The following LPXN variants were observed in gnomAD, a reference collection of about 807,000 sequenced individuals.
LPXN encodes leupaxin.
Under a neutral mutation model 45.6 loss-of-function variants are expected in LPXN, and 28 were observed. The ratio of observed to expected loss-of-function variants is 0.61; its 90% CI spans 0.45 to 0.84. The LOEUF is 0.84. LPXN is among the 40% of genes least tolerant of loss of function. The pLI, the probability that LPXN is intolerant of heterozygous loss-of-function variation, is 0.00. For missense variants in LPXN, 459 were observed against 475.0 expected, an observed-to-expected ratio of 0.97 and a Z score of 0.31; for synonymous variants, 166 against 169.9, an observed-to-expected ratio of 0.98 and a Z score of 0.18.
chr11:58,540,082 G>T (rs900978087), intron 7 of LPXN, among the ~76,000 whole-genome samples: 2 of 152,070 alleles, frequency 1.3e-5, no homozygotes, highest in East Asian at 3.9e-4. Flanking sequence ...TTGTCATCCA[G>T]ACCCCCGAAA....
chr11:58,563,095 T>C (rs1019536116), intron 3 of LPXN, among the ~76,000 whole-genome samples: 3 of 152,240 alleles, frequency 2.0e-5, no homozygotes, highest in African/African-American at 7.2e-5. Context: ...GTTTTCATGT[T>C]ATATGTTCAT....
intron 7 of LPXN, among the ~76,000 whole-genome samples, chr11:58,539,788 T>G (rs992786932): frequency 6.6e-6 from 1 of 152,174 alleles, no homozygotes; most frequent in African/African-American, 2.4e-5. Flanking sequence ...CTTTCCTGTA[T>G]GAGATATATT....
chr11:58,574,420 A>G (rs868010047), intron 1 of LPXN, among the ~76,000 whole-genome samples: 18 of 152,356 alleles, frequency 1.2e-4, no homozygotes, highest in Admixed American at 3.3e-4. Context: ...CTGAAAAAGA[A>G]GTGGATAACA....
intron 2 of LPXN, among the ~76,000 whole-genome samples, chr11:58,568,166 G>A (rs939298361): frequency 6.6e-6 from 1 of 152,190 alleles, no homozygotes; most frequent in Non-Finnish European, 1.5e-5. Context: ...ATCAGAAGAG[G>A]TACTTGTGCT....
At chr11:58,565,321 C>T (rs1391004802) in intron 2 of LPXN, among the ~76,000 whole-genome samples, 2 of 151,886 alleles carry the variant, frequency 1.3e-5, no homozygotes, top group Non-Finnish European at 2.9e-5. Context: ...ATCACGAGGT[C>T]AGGAGATCGA....
chr11:58,529,129 A>T (rs2120168428), intron 7 of LPXN, among the ~76,000 whole-genome samples: 1 of 152,340 alleles, frequency 6.6e-6, no homozygotes, highest in East Asian at 1.9e-4. Flanking sequence ...GTCATAAATA[A>T]AGCCCAAATT....
Position 58,528,115 on chromosome 11 carries a change from G to C in LPXN, c.819C>G (p.Cys273Trp). The change falls in exon 8 of 9, where the codon TGC (cysteine) becomes TGG (tryptophan). Residue 273 changes from cysteine to tryptophan, a missense_variant. By Grantham distance (215) the Cys-to-Trp change is radical. Coordinates refer to ENST00000395074, the MANE Select transcript of LPXN (RefSeq NM_004811.3). ...GGTAGTTTTCCAACACTGGGCGATTGCAGCCACCACACTTGGGTGAGAACA... is the reference window on the plus strand; with the variant it reads ...GGTAGTTTTCCAACACTGGGCGATTCCAGCCACCACACTTGGGTGAGAACA... ...LAMFSPKCGG[C>W]NRPVLENYLS... 7 of 1,614,194 alleles carry C rather than the reference G, an allele frequency of 4.3e-6. No individual in the cohort carries two copies. Among genetic ancestry groups the C allele is most frequent in the Non-Finnish European group, 5.9e-6 (7 of 1,180,014 alleles).
At chr11:58,527,853 A>G in intron 8 of LPXN, 130 bp from the exon 9 acceptor site, 1 of 1,129,230 alleles carries the variant, frequency 8.9e-7, no homozygotes, top group South Asian at 1.6e-5. Context: ...CAGGTTCTTG[A>G]CAAATGGAGA....
At chr11:58,548,652 C>T (rs1853946051) in intron 7 of LPXN, among the ~76,000 whole-genome samples, 1 of 152,148 alleles carries the variant, frequency 6.6e-6, no homozygotes, top group Non-Finnish European at 1.5e-5. Context: ...ACTACTATAC[C>T]TCCATGTGCT....
intron 7 of LPXN, among the ~76,000 whole-genome samples, chr11:58,528,725 A>G (rs1853302097): frequency 6.6e-6 from 1 of 152,244 alleles, no homozygotes; most frequent in African/African-American, 2.4e-5. Context: ...GAAGAAAAAA[A>G]GCATCTGATA....
chr11:58,527,400 C>T lies in LPXN; in HGVS notation c.*54G>A, dbSNP rs1410098321. On this transcript the variant is annotated 3_prime_UTR_variant, in exon 9 of 9. Transcript: ENST00000395074. Reference sequence around the variant, plus strand: ...AACAGAAAATTTACCCTTTCCTCTCCTCTCTTGGTTTAAATTTTATAAGGA... The same window carrying T: ...AACAGAAAATTTACCCTTTCCTCTCTTCTCTTGGTTTAAATTTTATAAGGA... 4.4e-6 allele frequency: 7 copies of T among 1,585,818 alleles called. No homozygotes were observed. The East Asian group carries it at 1.6e-4, about 36-fold the overall frequency.
At chr11:58,541,417 C>T (rs1270788382) in intron 7 of LPXN, among the ~76,000 whole-genome samples, 2 of 152,166 alleles carry the variant, frequency 1.3e-5, no homozygotes, top group African/African-American at 4.8e-5. Context: ...GACATTTATG[C>T]AGGCAAAAGA....
Position 58,566,425 on chromosome 11 carries a change from T to TA in LPXN, c.172-2225_172-2224insT, listed in dbSNP as rs566701840. Among the ~76,000 whole-genome samples, 1,509 of 152,302 alleles carry TA rather than the reference T, an allele frequency of 9.9e-3. 23 individuals carry two copies. The highest frequency in any genetic ancestry group is 0.035 in the African/African-American group (1,454 of 41,556). ...ATTCAAAGCACTTTTGCTCAATAAT[T>TA]TCTTACAAGATAAAACTTTCAAGTT... On this transcript the variant is annotated intron_variant, in intron 2 of 8. Transcript: ENST00000395074.
intron 4 of LPXN, among the ~76,000 whole-genome samples, chr11:58,551,538 A>T (rs114233969): frequency 0.026 from 4,026 of 152,284 alleles, 182 homozygotes; most frequent in African/African-American, 0.092. Flanking sequence ...CCAGTTCAAA[A>T]ATTAGTCACA....
intron 2 of LPXN, among the ~76,000 whole-genome samples, chr11:58,567,887 A>G (rs1464788995): frequency 6.6e-6 from 1 of 152,254 alleles, no homozygotes; most frequent in East Asian, 1.9e-4. Context: ...TAAAACAAAT[A>G]GAGCTTCACA....
chr11:58,557,578 A>T, intron 3 of LPXN, among the ~76,000 whole-genome samples: 1 of 152,200 alleles, frequency 6.6e-6, no homozygotes, highest in East Asian at 1.9e-4. Context: ...CATGTAGGTT[A>T]GAGAATATGA....
chr11:58,542,209 G>GA (rs538223262), intron 7 of LPXN, among the ~76,000 whole-genome samples: 4 of 148,134 alleles, frequency 2.7e-5, no homozygotes, highest in Admixed American at 6.8e-5. Flanking sequence ...AAATAGAAAA[G>GA]AAAAAAAATA....
rs189878493 is a variant in LPXN, at chr11:58,565,922, C to G, written c.172-1721G>C. ...CTGAGACAGGAGAATTGCTTGAACC[C>G]AGGAGGCGGAGGTTGCAGCGAGCCA... is the stretch of plus-strand genomic sequence containing the variant. On this transcript the variant is annotated intron_variant, in intron 2 of 8. Transcript: ENST00000395074. Among the ~76,000 whole-genome samples the G allele has an allele frequency of 6.0e-3, 915 of 152,180 alleles. 4 individuals carry two copies. The highest frequency in any genetic ancestry group is 9.6e-3 in the Non-Finnish European group (652 of 68,002).
At chr11:58,531,668 G>A (rs1314674698) in intron 7 of LPXN, among the ~76,000 whole-genome samples, 1 of 152,202 alleles carries the variant, frequency 6.6e-6, no homozygotes, top group Non-Finnish European at 1.5e-5. Flanking sequence ...CCTCAACCTA[G>A]CAAGACAGGC....
Sources: allele counts gnomAD v4.1 joint callset (sites outside exome capture counted in the v4.1 genomes callset), GRCh38; gene constraint gnomAD v4.1.1; transcripts MANE v1.5; gene names NCBI Gene and HGNC (gene_info 2026-07-23, HGNC 2026-07-21).